DSCAML1: variants seen among roughly 807,000 people sequenced by gnomAD.
DSCAML1 encodes the protein cell adhesion molecule DSCAML1.
DSCAML1 carries 38 observed loss-of-function variants against 200.5 expected under a neutral mutation model. That is an observed-to-expected ratio of 0.19 (90% CI 0.15 to 0.25). DSCAML1 has a LOEUF of 0.25. Ranked by LOEUF, DSCAML1 falls within the 10% of genes least tolerant of loss-of-function variation. The pLI is 1.00. For missense variants in DSCAML1, 2,223 were observed against 2,858.8 expected, an observed-to-expected ratio of 0.78 and a Z score of 5.07; for synonymous variants, 1,215 against 1,165.0, an observed-to-expected ratio of 1.04 and a Z score of -0.87.
At chr11:117,761,892 G>A (rs1431856561) in intron 3 of DSCAML1, among the ~76,000 whole-genome samples, 1 of 152,178 alleles carries the variant, frequency 6.6e-6, no homozygotes, top group African/African-American at 2.4e-5. Flanking sequence ...ACACAAAAAA[G>A]TGGGGATGAT....
chr11:117,726,675 G>A (rs573998488), intron 3 of DSCAML1, among the ~76,000 whole-genome samples: 2 of 152,298 alleles, frequency 1.3e-5, no homozygotes, highest in East Asian at 1.9e-4. Context: ...CATCTGCTGA[G>A]TAAGCCAGGG....
At chr11:117,619,541 A>G (rs1170038344) in intron 3 of DSCAML1, among the ~76,000 whole-genome samples, 2 of 152,220 alleles carry the variant, frequency 1.3e-5, no homozygotes, top group Non-Finnish European at 2.9e-5. Context: ...AATATGTTTA[A>G]TCTCTTTTTG....
intron 3 of DSCAML1, among the ~76,000 whole-genome samples, chr11:117,639,661 A>T (rs2052363260): frequency 6.6e-6 from 1 of 151,904 alleles, no homozygotes; most frequent in South Asian, 2.1e-4. Flanking sequence ...GGGAAGGAGG[A>T]TGCAGACGGT....
chr11:117,780,525 T>C lies in DSCAML1; in HGVS notation c.332A>G (p.Lys111Arg), dbSNP rs752415564. ...YFCTAENAAG[K>R]IRSPNIRVKA... ...GACGCGGATGTTGGGGCTCCGGATC[T>C]TGCCGGCAGCGTTCTCCGCGGTGCA... Residue 111 changes from lysine (K) to arginine (R), a missense_variant, in exon 2 of 33, where the codon AAG becomes AGG. Coordinates refer to ENST00000651296, the MANE Select transcript of DSCAML1 (RefSeq NM_020693.4). This position sits in a 1 kb window ranked among gnomAD's most constrained non-coding sequence, Gnocchi z 4.8. 4 of 1,457,582 alleles carry C rather than the reference T, an allele frequency of 2.7e-6. No homozygotes were observed. The Admixed American group carries it at 7.6e-5, about 28-fold the overall frequency. 90.3% of individuals were successfully genotyped at this position (1,457,582 alleles called of 1,614,324 possible).
At chr11:117,431,494 G>C (rs768899327) in intron 31 of DSCAML1, 40 bp downstream of exon 31, 7 of 1,499,252 alleles carry the variant, frequency 4.7e-6, no homozygotes, top group South Asian at 1.3e-5. Context: ...TGGGGAACTG[G>C]GGGGAGGTGT....
intron 20 of DSCAML1, among the ~76,000 whole-genome samples, chr11:117,444,954 C>A (rs543598351): frequency 4.6e-5 from 7 of 152,098 alleles, no homozygotes; most frequent in Admixed American, 4.6e-4. Context: ...GAAAACAGAG[C>A]GGAAGTCCAG....
At chr11:117,443,623 G>T (rs1455132516) in intron 21 of DSCAML1, among the ~76,000 whole-genome samples, 2 of 152,212 alleles carry the variant, frequency 1.3e-5, no homozygotes, top group African/African-American at 4.8e-5. Flanking sequence ...GCTGGGAGTA[G>T]GGTTTGGACT....
intron 23 of DSCAML1, 128 bp downstream of exon 23, chr11:117,439,136 CTG>C: frequency 7.1e-7 from 1 of 1,405,178 alleles, no homozygotes; most frequent in Non-Finnish European, 9.7e-7. Flanking sequence ...ATGTGCACCT[CTG>C]TTTCTCCAGA....
At chr11:117,472,067 G>A (rs368154437) in intron 14 of DSCAML1, 31 bp from the exon 15 acceptor site, 28 of 1,609,986 alleles carry the variant, frequency 1.7e-5, no homozygotes, top group Non-Finnish European at 2.4e-5. Context: ...TCAAAGCATG[G>A]CCAGGCAAAC....
At chr11:117,731,001 G>A (rs1019826507) in intron 3 of DSCAML1, among the ~76,000 whole-genome samples, 1 of 152,176 alleles carries the variant, frequency 6.6e-6, no homozygotes, top group Non-Finnish European at 1.5e-5. Flanking sequence ...GGAAAGGGAT[G>A]GGGGAAATGA....
At chr11:117,769,572 A>T (rs1044140691) in intron 3 of DSCAML1, among the ~76,000 whole-genome samples, 108 of 122,846 alleles carry the variant, frequency 8.8e-4, no homozygotes, top group Non-Finnish European at 1.4e-3. Flanking sequence ...TATATATATT[A>T]TATATTTTTT....
At chr11:117,541,198 T>A (rs1309961797) in intron 3 of DSCAML1, among the ~76,000 whole-genome samples, 1 of 152,248 alleles carries the variant, frequency 6.6e-6, no homozygotes, top group Non-Finnish European at 1.5e-5. Flanking sequence ...TCTGGCCTCA[T>A]TCAGGTCTCT....
chr11:117,442,379 G>A (rs2048083047), intron 21 of DSCAML1, among the ~76,000 whole-genome samples: 1 of 150,394 alleles, frequency 6.6e-6, no homozygotes, highest in South Asian at 2.1e-4. Context: ...AGTGTGTATA[G>A]TGTGTGTATG....
At chr11:117,481,332 C>T in intron 12 of DSCAML1, 62 bp from the exon 13 acceptor site, 2 of 1,538,482 alleles carry the variant, frequency 1.3e-6, no homozygotes, top group African/African-American at 1.4e-5. Flanking sequence ...TAGAGCTGGT[C>T]AGCTGAAGGG....
At chr11:117,639,008 C>T (rs184469095) in intron 3 of DSCAML1, among the ~76,000 whole-genome samples, 12 of 152,250 alleles carry the variant, frequency 7.9e-5, no homozygotes, top group Non-Finnish European at 1.5e-4. Flanking sequence ...GAATGAGAGT[C>T]GATTTCTACA....
intron 3 of DSCAML1, among the ~76,000 whole-genome samples, chr11:117,663,845 G>GA (rs1483034743): frequency 6.6e-6 from 1 of 152,156 alleles, no homozygotes; most frequent in Non-Finnish European, 1.5e-5. Context: ...GCAAAACCCA[G>GA]AGCACCACTT....
chr11:117,524,730 G>A (rs1444669204), intron 5 of DSCAML1, 75 bp downstream of exon 5: 10 of 1,497,990 alleles, frequency 6.7e-6, no homozygotes, highest in South Asian at 3.9e-5. Context: ...TCCAGCTGTC[G>A]GCCACACTCC....
intron 3 of DSCAML1, among the ~76,000 whole-genome samples, chr11:117,556,186 G>C (rs1048522084): frequency 6.6e-6 from 1 of 152,170 alleles, no homozygotes; most frequent in African/African-American, 2.4e-5. Flanking sequence ...ATGGGGCCTG[G>C]CACACAGAAA....
At chr11:117,542,682 T>C (rs1048045822) in intron 3 of DSCAML1, among the ~76,000 whole-genome samples, 4 of 152,270 alleles carry the variant, frequency 2.6e-5, no homozygotes, top group African/African-American at 9.6e-5. Flanking sequence ...GGCACCCATG[T>C]GCTGAAATGC....
Sources: gnomAD v4.1 joint callset for allele counts (sites outside exome capture counted in the v4.1 genomes callset) on GRCh38, gnomAD v4.1.1 for gene constraint, Gnocchi (gnomAD v3.1) non-coding constraint, MANE v1.5 for transcripts, NCBI Gene and HGNC (gene_info 2026-07-23, HGNC 2026-07-21) for gene names.